NRG3: variants seen among roughly 807,000 people sequenced by gnomAD.
NRG3 encodes neuregulin 3.
A neutral mutation model predicts 66.9 loss-of-function variants in NRG3; 31 were observed. That is an observed-to-expected ratio of 0.46 (90% CI 0.35 to 0.63). The LOEUF is 0.63. NRG3 is among the 20% of genes least tolerant of loss of function. The probability of loss-of-function intolerance (pLI) is 0.00; values close to 1 mark genes in which losing one functional copy is unlikely to be tolerated. For synonymous variants in NRG3, 393 were observed against 359.4 expected, an observed-to-expected ratio of 1.09 and a Z score of -1.06; for missense variants, 910 against 878.9, an observed-to-expected ratio of 1.04 and a Z score of -0.45.
chr10:82,841,014 A>T (rs1159792434), intron 3 of NRG3, among the ~76,000 whole-genome samples: 2 of 152,164 alleles, frequency 1.3e-5, no homozygotes, highest in East Asian at 3.9e-4. Context: ...ATCATACAGG[A>T]TTAATTGGGC....
chr10:82,552,208 T>C (rs2044358651), intron 2 of NRG3, among the ~76,000 whole-genome samples: 1 of 152,196 alleles, frequency 6.6e-6, no homozygotes, highest in Non-Finnish European at 1.5e-5. Context: ...TAGGAATCAC[T>C]TGCTCTCATC....
intron 1 of NRG3, among the ~76,000 whole-genome samples, chr10:82,164,334 A>C (rs2071862761): frequency 6.6e-6 from 1 of 152,094 alleles, no homozygotes. Context: ...CATCACCTGG[A>C]GTATTTATCA....
chr10:82,154,572 A>C (rs1394444972), intron 1 of NRG3, among the ~76,000 whole-genome samples: 1 of 151,294 alleles, frequency 6.6e-6, no homozygotes, highest in Non-Finnish European at 1.5e-5. Flanking sequence ...GTTTCATATA[A>C]ATTTTAGAAT....
At chr10:82,705,320 A>G (rs1418862068) in intron 2 of NRG3, among the ~76,000 whole-genome samples, 1 of 152,176 alleles carries the variant, frequency 6.6e-6, no homozygotes, top group Non-Finnish European at 1.5e-5. Flanking sequence ...TGCATGTTAG[A>G]CAATGCTAAC....
intron 6 of NRG3, among the ~76,000 whole-genome samples, chr10:82,962,090 T>G (rs1031289201): frequency 1.2e-4 from 19 of 152,148 alleles, no homozygotes; most frequent in African/African-American, 4.6e-4. Flanking sequence ...AAACACCTCG[T>G]CAAGTGAAGC....
At chr10:82,353,676 T>C (rs1157067224) in intron 1 of NRG3, among the ~76,000 whole-genome samples, 1 of 152,204 alleles carries the variant, frequency 6.6e-6, no homozygotes, top group Non-Finnish European at 1.5e-5. Context: ...CTGTGGCCCC[T>C]AGTGATGGGG....
chr10:82,474,152 T>C (rs1434790668), intron 2 of NRG3, among the ~76,000 whole-genome samples: 1 of 151,878 alleles, frequency 6.6e-6, no homozygotes, highest in Non-Finnish European at 1.5e-5. Context: ...TGGAGAGGTG[T>C]CTGTGTCTGT....
At chr10:82,888,063 G>A (rs1345715621) in intron 4 of NRG3, among the ~76,000 whole-genome samples, 2 of 152,100 alleles carry the variant, frequency 1.3e-5, no homozygotes, top group Non-Finnish European at 2.9e-5. Context: ...TGGCATCATT[G>A]TGTATCAAAC....
chr10:82,658,243 T>G (rs924017321), intron 2 of NRG3, among the ~76,000 whole-genome samples: 2 of 152,082 alleles, frequency 1.3e-5, no homozygotes, highest in Admixed American at 1.3e-4. Context: ...CAAAAGTAAA[T>G]TAACATTTGA....
At chr10:82,194,761 T>A (rs373926541) in intron 1 of NRG3, among the ~76,000 whole-genome samples, 6 of 152,158 alleles carry the variant, frequency 3.9e-5, no homozygotes, top group African/African-American at 1.2e-4. Context: ...GATATTATTA[T>A]CCTGTTATTT....
At chr10:82,614,244 G>T (rs1258813615) in intron 2 of NRG3, among the ~76,000 whole-genome samples, 1 of 152,144 alleles carries the variant, frequency 6.6e-6, no homozygotes. Flanking sequence ...ACTTTGTTGA[G>T]CACTCATATT....
chr10:82,548,026 T>A (rs2044041225), intron 2 of NRG3, among the ~76,000 whole-genome samples: 1 of 142,690 alleles, frequency 7.0e-6, no homozygotes, highest in South Asian at 2.2e-4. Flanking sequence ...AAAAAAGAAG[T>A]GACTCATGCC....
chr10:82,171,602 G>A (rs1168843284), intron 1 of NRG3, among the ~76,000 whole-genome samples: 2 of 152,090 alleles, frequency 1.3e-5, no homozygotes, highest in Non-Finnish European at 2.9e-5. Flanking sequence ...AGTGGCTTAA[G>A]CAAAATAGAA....
intron 8 of NRG3, among the ~76,000 whole-genome samples, chr10:82,979,727 A>G (rs1315068594): frequency 6.6e-6 from 1 of 152,180 alleles, no homozygotes; most frequent in Non-Finnish European, 1.5e-5. Flanking sequence ...GAGGCCTCAA[A>G]GCATGGTGAG....
intron 1 of NRG3, among the ~76,000 whole-genome samples, chr10:82,141,916 T>C (rs1202900293): frequency 6.6e-6 from 1 of 152,152 alleles, no homozygotes; most frequent in African/African-American, 2.4e-5. Context: ...GCATACTACG[T>C]GAAGTTTTCC....
At chr10:82,917,892 T>C (rs1323105285) in intron 4 of NRG3, among the ~76,000 whole-genome samples, 1 of 150,986 alleles carries the variant, frequency 6.6e-6, no homozygotes, top group Non-Finnish European at 1.5e-5. Context: ...CTTAGCCCCT[T>C]TATATTGGAT....
chr10:82,847,218 C>A (rs1440261425), intron 3 of NRG3, among the ~76,000 whole-genome samples: 1 of 152,176 alleles, frequency 6.6e-6, no homozygotes, highest in Non-Finnish European at 1.5e-5. Flanking sequence ...TTTCTGAAAG[C>A]CCCATTTGGA....
intron 1 of NRG3, among the ~76,000 whole-genome samples, chr10:82,000,685 TC>T (rs2061127253): frequency 6.6e-6 from 1 of 152,174 alleles, no homozygotes. Context: ...CCTAATTTAT[TC>T]ACAAAATGCT....
In NRG3 at chr10:82,177,585, A is replaced by AT. The variant is rs74308498; in HGVS notation, c.824-181146dup. ...CTAGAAAGTTTAGATTCTTAGAATA[A>AT]TTTTTTTTGACATGGTTTTTCTTTG... is the stretch of plus-strand genomic sequence containing the variant. On this transcript the variant is annotated intron_variant, in intron 1 of 8. Coordinates refer to ENST00000372141, the MANE Select transcript of NRG3 (RefSeq NM_001010848.4). 9.3e-3 allele frequency among the ~76,000 whole-genome samples: 1,420 copies of AT among 151,928 alleles called. 58 individuals carry two copies. The East Asian group carries it at 0.14, about 15-fold the overall frequency.
Sources: allele counts gnomAD v4.1 joint callset (sites outside exome capture counted in the v4.1 genomes callset), GRCh38; gene constraint gnomAD v4.1.1; transcripts MANE v1.5; gene names NCBI Gene and HGNC (gene_info 2026-07-23, HGNC 2026-07-21).